The following CRLF3 variants were observed in gnomAD, a reference collection of about 807,000 sequenced individuals.
The protein encoded by CRLF3 is cytokine receptor like factor 3, also known as cytokine receptor-like factor 3.
In CRLF3, 33 loss-of-function variants were observed where a neutral mutation model predicts 55.0. The ratio of observed to expected loss-of-function variants is 0.60; its 90% CI spans 0.46 to 0.80. CRLF3 has a LOEUF of 0.80. CRLF3 is among the 30% of genes least tolerant of loss of function. The pLI is 0.00. For missense variants in CRLF3, 494 were observed against 538.4 expected, an observed-to-expected ratio of 0.92 and a Z score of 0.82; for synonymous variants, 238 against 196.8, an observed-to-expected ratio of 1.21 and a Z score of -1.75.
chr17:30,797,275 C>G (rs1485210631), intron 3 of CRLF3, 36 bp downstream of exon 3: 1 of 1,429,274 alleles, frequency 7.0e-7, no homozygotes, highest in East Asian at 2.3e-5. Flanking sequence ...AGTTTAAATG[C>G]TTAAAAGTAA....
At chr17:30,805,000 T>C (rs1387392552) in intron 1 of CRLF3, among the ~76,000 whole-genome samples, 3 of 152,068 alleles carry the variant, frequency 2.0e-5, no homozygotes, top group Non-Finnish European at 2.9e-5. Context: ...CTGGCCAACG[T>C]AGTGAAACCC....
intron 4 of CRLF3, among the ~76,000 whole-genome samples, chr17:30,794,725 G>A (rs1971881539): frequency 6.6e-6 from 1 of 152,154 alleles, no homozygotes; most frequent in South Asian, 2.1e-4. Flanking sequence ...TTGAGCCCAG[G>A]AGATTGAGAC....
chr17:30,785,781 TA>T (rs55664579), intron 7 of CRLF3, 137 bp downstream of exon 7: 120,015 of 415,262 alleles, frequency 0.29, 1,718 homozygotes, highest in South Asian at 0.35. Flanking sequence ...GACTTCATAA[TA>T]AAAAAAAAAA....
chr17:30,800,427 T>TA (rs1971988733), intron 2 of CRLF3, among the ~76,000 whole-genome samples: 1 of 152,150 alleles, frequency 6.6e-6, no homozygotes, highest in Admixed American at 6.6e-5. Flanking sequence ...AACTACGTAC[T>TA]AAGCACCCGC....
At chr17:30,793,761 G>A in intron 4 of CRLF3, 89 bp from the exon 5 acceptor site, 1 of 797,844 alleles carries the variant, frequency 1.3e-6, no homozygotes, top group Non-Finnish European at 2.0e-6. Flanking sequence ...AGCCATTTTG[G>A]ACCAAGCAGA....
chr17:30,787,245 T>A (rs1398387675), intron 6 of CRLF3, among the ~76,000 whole-genome samples: 3 of 152,240 alleles, frequency 2.0e-5, no homozygotes, highest in Non-Finnish European at 4.4e-5. Context: ...TTTATGTAAC[T>A]ATTGCTGCCA....
intron 7 of CRLF3, among the ~76,000 whole-genome samples, chr17:30,785,362 A>G (rs2142238772): frequency 6.6e-6 from 1 of 151,756 alleles, no homozygotes; most frequent in Admixed American, 6.6e-5. Context: ...GGCGTGATCC[A>G]CCGCGCCCGG....
rs183124627 is a variant in CRLF3, at chr17:30,813,634, G to A, written c.130-9526C>T. Among the ~76,000 whole-genome samples the A allele has an allele frequency of 2.6e-4, 39 of 151,800 alleles. 1 individual carries two copies. In the East Asian group the frequency reaches 5.6e-3, roughly 22 times the overall value. ...TTTTTTTTAATAACTATAAGTTTTA[G>A]GGTACATGTGCACAACGTGCAGGTT... On this transcript the variant is annotated intron_variant, in intron 1 of 7. Transcript: ENST00000324238.
At chr17:30,796,741 T>TC in intron 3 of CRLF3, among the ~76,000 whole-genome samples, 1 of 151,308 alleles carries the variant, frequency 6.6e-6, no homozygotes, top group African/African-American at 2.4e-5. Flanking sequence ...TTTTTTTTTT[T>TC]CAGACAGAGT....
intron 1 of CRLF3, among the ~76,000 whole-genome samples, chr17:30,819,451 T>C (rs1904919449): frequency 6.6e-6 from 1 of 152,206 alleles, no homozygotes; most frequent in South Asian, 2.1e-4. Context: ...CTGACATCAC[T>C]ACGTGACATT....
intron 6 of CRLF3, among the ~76,000 whole-genome samples, chr17:30,792,020 G>A (rs1971812881): frequency 6.6e-6 from 1 of 151,542 alleles, no homozygotes; most frequent in Non-Finnish European, 1.5e-5. Context: ...GGCTGATTTT[G>A]TATTTTTAGT....
At chr17:30,789,128 A>G (rs1263089356) in intron 6 of CRLF3, among the ~76,000 whole-genome samples, 1 of 152,124 alleles carries the variant, frequency 6.6e-6, no homozygotes, top group African/African-American at 2.4e-5. Flanking sequence ...AAAGAAAAAA[A>G]TGACAAAAAT....
intron 1 of CRLF3, among the ~76,000 whole-genome samples, chr17:30,808,742 G>GCA: frequency 6.6e-6 from 1 of 151,872 alleles, no homozygotes; most frequent in Middle Eastern, 3.2e-3. Flanking sequence ...ACAGGCATGC[G>GCA]CCACCAAGCC....
rs1971521828 is a variant in CRLF3 at position 30,782,772 on chromosome 17, A to AATCTACT, written c.*1408_*1414dup. The stretch of plus-strand genomic sequence containing the variant: ...TCTTCTTAATCCCTAAACAAGTGGA[A>AATCTACT]ATCTACTACTTATATATAAAAAGAC... On this transcript the variant is annotated 3_prime_UTR_variant, in exon 8 of 8. Transcript: ENST00000324238. 1.3e-5 allele frequency: 2 copies of AATCTACT among 152,320 alleles called. No individual in the cohort carries two copies. Among genetic ancestry groups the AATCTACT allele is most frequent in the African/African-American group, 4.8e-5 (2 of 41,572 alleles). 9.4% of individuals were successfully genotyped at this position (152,320 alleles called of 1,614,324 possible).
chr17:30,795,318 T>C (rs1971896450), intron 4 of CRLF3, among the ~76,000 whole-genome samples: 1 of 145,382 alleles, frequency 6.9e-6, no homozygotes, highest in Non-Finnish European at 1.5e-5. Flanking sequence ...CTGTCTCTAC[T>C]AAAAATACAA....
chr17:30,791,723 A>G (rs1180999550), intron 6 of CRLF3, among the ~76,000 whole-genome samples: 2 of 140,988 alleles, frequency 1.4e-5, no homozygotes, highest in Non-Finnish European at 3.1e-5. Context: ...TCACCATGTT[A>G]GCCAGGATGT....
intron 2 of CRLF3, among the ~76,000 whole-genome samples, chr17:30,800,020 A>G (rs1971982084): frequency 6.6e-6 from 1 of 152,210 alleles, no homozygotes; most frequent in Admixed American, 6.5e-5. Context: ...TGTAACCAGC[A>G]ATGTCAAGAT....
intron 2 of CRLF3, chr17:30,801,525 G>C (rs1972007518): frequency 6.6e-6 from 1 of 152,078 alleles, no homozygotes; most frequent in African/African-American, 2.4e-5. Context: ...TTGTCTCCCA[G>C]GTTCAAGTGA....
At chr17:30,806,290 T>A (rs944306475) in intron 1 of CRLF3, among the ~76,000 whole-genome samples, 1 of 152,104 alleles carries the variant, frequency 6.6e-6, no homozygotes, top group Non-Finnish European at 1.5e-5. Context: ...ATCTATACCC[T>A]AAAAAATTAT....
Sources: allele counts gnomAD v4.1 joint callset (sites outside exome capture counted in the v4.1 genomes callset), GRCh38; gene constraint gnomAD v4.1.1; transcripts MANE v1.5; gene names NCBI Gene and HGNC (gene_info 2026-07-23, HGNC 2026-07-21).